The following SPATC1 variants were observed in gnomAD, a reference collection of about 807,000 sequenced individuals.
SPATC1 encodes spermatogenesis and centriole associated 1.
A neutral mutation model predicts 36.5 loss-of-function variants in SPATC1; 35 were observed. The observed-to-expected ratio is 0.96, with a 90% CI of 0.73 to 1.27. The LOEUF (loss-of-function observed/expected upper bound fraction) is 1.27, where lower values mean the gene tolerates loss of function less well. Among genes scored for constraint, SPATC1 ranks in the 50% most tolerant of loss-of-function variants. The probability of loss-of-function intolerance (pLI) is 0.00; values close to 1 mark genes in which losing one functional copy is unlikely to be tolerated. For synonymous variants in SPATC1, 361 were observed against 353.6 expected, an observed-to-expected ratio of 1.02 and a Z score of -0.24; for missense variants, 779 against 796.0, an observed-to-expected ratio of 0.98 and a Z score of 0.26.
intron 4 of SPATC1, among the ~76,000 whole-genome samples, chr8:144,043,617 C>G (rs1331842099): frequency 6.6e-6 from 1 of 151,994 alleles, no homozygotes; most frequent in Non-Finnish European, 1.5e-5. Flanking sequence ...CTCAAGTGAT[C>G]CACCTGCCTC....
chr8:144,035,371 C>A (rs1023349480), intron 1 of SPATC1, among the ~76,000 whole-genome samples: 1 of 152,246 alleles, frequency 6.6e-6, no homozygotes, highest in African/African-American at 2.4e-5. Flanking sequence ...GCCACACCAC[C>A]CTCTCAGTGT....
chr8:144,012,507 C>A lies in SPATC1; in HGVS notation c.-9C>A. ...CCCGTGGGCCGCACCCTTGCCACTG[C>A]CCCAGGGCATGTCTCTACTCACCAA... On this transcript the variant is annotated 5_prime_UTR_variant, in exon 1 of 5. Coordinates refer to ENST00000377470, the MANE Select transcript of SPATC1 (RefSeq NM_198572.3). The A allele has an allele frequency of 6.4e-7, 1 of 1,551,614 alleles. No individual in the cohort carries two copies. Among genetic ancestry groups the A allele is most frequent in the African/African-American group, 1.4e-5 (1 of 73,180 alleles).
chr8:144,045,524 A>G lies in SPATC1; in HGVS notation c.1447-1103A>G, dbSNP rs1554756642. 1.3e-5 allele frequency among the ~76,000 whole-genome samples: 2 copies of G among 152,214 alleles called. No individual in the cohort carries two copies. The highest frequency in any genetic ancestry group is 2.4e-5 in the African/African-American group (1 of 41,460). Reference sequence around the variant, plus strand: ...GACCACCACGTCAGCCATCTGGGACACAGCAGGACATAGCTGGAAGAGGGG... The same window carrying G: ...GACCACCACGTCAGCCATCTGGGACGCAGCAGGACATAGCTGGAAGAGGGG... On this transcript the variant is annotated intron_variant, in intron 4 of 4. Coordinates refer to ENST00000377470, the MANE Select transcript of SPATC1 (RefSeq NM_198572.3). The surrounding 1 kb of genome is among the most constrained non-coding windows in gnomAD (Gnocchi z 5.2).
At chr8:144,023,950 C>A (rs1834611573) in intron 1 of SPATC1, among the ~76,000 whole-genome samples, 1 of 104,816 alleles carries the variant, frequency 9.5e-6, no homozygotes, top group Non-Finnish European at 2.0e-5. Context: ...CCCCTCAGGA[C>A]CCTCTTCCCT....
chr8:144,042,966 G>C (rs1288629839), intron 4 of SPATC1, among the ~76,000 whole-genome samples: 5 of 151,340 alleles, frequency 3.3e-5, no homozygotes, highest in Admixed American at 3.3e-4. Context: ...CTGGGACTAC[G>C]GGCATGCACC....
At chr8:144,023,249 CTTCCCTGAGAACT>C (rs2133112022) in intron 1 of SPATC1, among the ~76,000 whole-genome samples, 8 of 18,720 alleles carry the variant, frequency 4.3e-4, no homozygotes, top group Middle Eastern at 0.038. Context: ...CTCAGGACCT[CTTCCCTGAGAACT>C]TCTCCCCTCA....
At chr8:144,032,407 T>A (rs1487737488) in intron 1 of SPATC1, among the ~76,000 whole-genome samples, 1 of 152,094 alleles carries the variant, frequency 6.6e-6, no homozygotes, top group Admixed American at 6.6e-5. Context: ...CCTCCCGAGT[T>A]GCTGGGACTA....
chr8:144,043,614 G>A (rs1333889966), intron 4 of SPATC1, among the ~76,000 whole-genome samples: 1 of 151,272 alleles, frequency 6.6e-6, no homozygotes, highest in Non-Finnish European at 1.5e-5. Context: ...GGGCTCAAGT[G>A]ATCCACCTGC....
rs960147286 is a variant in SPATC1 at position 144,046,546 on chromosome 8, C to G, written c.1447-81C>G. 7.5e-7 allele frequency: 1 copy of G among 1,336,956 alleles called. No individual in the cohort carries two copies. The highest frequency in any genetic ancestry group is 1.0e-6 in the Non-Finnish European group (1 of 967,068). The allele number at this position is 1,336,956 out of a possible 1,614,324, so 82.8% of individuals were successfully genotyped here. A position where few individuals can be genotyped will look rare whatever the true frequency, so the allele number is the denominator to read the frequency against. On this transcript the variant is annotated intron_variant, in intron 4 of 4. Coordinates refer to ENST00000377470, the MANE Select transcript of SPATC1 (RefSeq NM_198572.3). This position sits in a 1 kb window ranked among gnomAD's most constrained non-coding sequence, Gnocchi z 6.6. Reference sequence around the variant, plus strand: ...GGATCCTGGCCATCTCACAGCCTCACCTGCCCCTCGGTCTTCCCCTTACCT... The same window carrying G: ...GGATCCTGGCCATCTCACAGCCTCAGCTGCCCCTCGGTCTTCCCCTTACCT...
chr8:144,030,627 G>A (rs1188861416), intron 1 of SPATC1, among the ~76,000 whole-genome samples: 1 of 152,192 alleles, frequency 6.6e-6, no homozygotes, highest in East Asian at 1.9e-4. Context: ...CCAAAGTGCT[G>A]TGATTACAGG....
intron 1 of SPATC1, among the ~76,000 whole-genome samples, chr8:144,022,851 CCT>C (rs1463086942): frequency 6.6e-6 from 1 of 151,198 alleles, no homozygotes; most frequent in East Asian, 2.0e-4. Context: ...CCCTGAGGAC[CCT>C]CTCTCCTCAG....
rs1834392375 is a variant in SPATC1 at position 144,016,327 on chromosome 8, A to AT, written c.211+3602dup. Among the ~76,000 whole-genome samples the AT allele has an allele frequency of 6.6e-6, 1 of 151,868 alleles. No individual in the cohort carries two copies. The highest frequency in any genetic ancestry group is 2.1e-4 in the South Asian group (1 of 4,804). On this transcript the variant is annotated intron_variant, in intron 1 of 4. Transcript: ENST00000377470. The surrounding 1 kb of genome is among the most constrained non-coding windows in gnomAD (Gnocchi z 4.5). Reference sequence around the variant, plus strand: ...TTGACGGTGTGTGATTTGTGAGTGAATGTGTGCATATGGCTCTGTGTGTGT... The same window carrying AT: ...TTGACGGTGTGTGATTTGTGAGTGAATTGTGTGCATATGGCTCTGTGTGTGT...
chr8:144,033,394 C>G (rs1272454588), intron 1 of SPATC1, among the ~76,000 whole-genome samples: 1 of 150,350 alleles, frequency 6.7e-6, no homozygotes, highest in Non-Finnish European at 1.5e-5. Context: ...AGCGAGACTC[C>G]GTCTCAAAAA....
Position 144,016,411 on chromosome 8 carries a change from A to T in SPATC1, c.211+3685A>T, listed in dbSNP as rs1046341648. ...AGAGTGTATGTGGTATGTATGTGTT[A>T]TGTGGGTGTTTGTATTTTGGCGTAT... On this transcript the variant is annotated intron_variant, in intron 1 of 4. Coordinates refer to ENST00000377470, the MANE Select transcript of SPATC1 (RefSeq NM_198572.3). This position sits in a 1 kb window ranked among gnomAD's most constrained non-coding sequence, Gnocchi z 4.5. 1.3e-5 allele frequency among the ~76,000 whole-genome samples: 2 copies of T among 151,672 alleles called. No homozygotes were observed. Among genetic ancestry groups the T allele is most frequent in the Non-Finnish European group, 2.9e-5 (2 of 67,946 alleles).
At chr8:144,039,107 T>C (rs1205838883) in intron 1 of SPATC1, among the ~76,000 whole-genome samples, 1 of 152,242 alleles carries the variant, frequency 6.6e-6, no homozygotes, top group African/African-American at 2.4e-5. Flanking sequence ...ACTGCATTTA[T>C]AACAACAAAA....
chr8:144,041,784 G>C (rs1383692187), intron 4 of SPATC1, among the ~76,000 whole-genome samples: 1 of 152,128 alleles, frequency 6.6e-6, no homozygotes, highest in East Asian at 1.9e-4. Flanking sequence ...TTACCACTTG[G>C]GCTTCTCTTG....
chr8:144,026,888 C>A (rs1430605321), intron 1 of SPATC1, among the ~76,000 whole-genome samples: 2 of 148,962 alleles, frequency 1.3e-5, no homozygotes, highest in African/African-American at 5.0e-5. Flanking sequence ...TGGCTCACTG[C>A]AAGCTCCACC....
chr8:144,022,607 A>G, intron 1 of SPATC1, among the ~76,000 whole-genome samples: 1 of 142,422 alleles, frequency 7.0e-6, no homozygotes, highest in African/African-American at 2.7e-5. Context: ...CTCTTCCCTG[A>G]GGAGCCTTTC....
chr8:144,023,579 T>C (rs1266329696), intron 1 of SPATC1, among the ~76,000 whole-genome samples: 118,494 of 118,502 alleles, frequency 1, 59,243 homozygotes, highest in Middle Eastern at 1. Context: ...TCACGACCTT[T>C]CCTATTCCCT....
Sources: allele counts gnomAD v4.1 joint callset (sites outside exome capture counted in the v4.1 genomes callset), GRCh38; gene constraint gnomAD v4.1.1; non-coding constraint Gnocchi (gnomAD v3.1); transcripts MANE v1.5; gene names NCBI Gene and HGNC (gene_info 2026-07-23, HGNC 2026-07-21).